The following FGF1 variants were observed in gnomAD, a reference collection of about 807,000 sequenced individuals.
FGF1 encodes fibroblast growth factor 1.
FGF1 carries 9 observed loss-of-function variants against 13.4 expected under a neutral mutation model. The ratio of observed to expected loss-of-function variants is 0.67; its 90% confidence interval spans 0.40 to 1.17. FGF1 has a LOEUF of 1.17. Ranked by LOEUF, FGF1 falls within the 50% of genes most tolerant of loss-of-function variation. The probability of loss-of-function intolerance (pLI) is 0.01; values close to 1 mark genes in which losing one functional copy is unlikely to be tolerated. For synonymous variants in FGF1, 93 were observed against 79.0 expected, an observed-to-expected ratio of 1.18 and a Z score of -0.94; for missense variants, 156 against 192.7, an observed-to-expected ratio of 0.81 and a Z score of 1.13.
At position 142,610,136 on chromosome 5, in the gene FGF1, C is replaced by G. The variant is rs139756512; in HGVS notation, c.169+3823G>C. 2.2e-4 allele frequency among the ~76,000 whole-genome samples: 33 copies of G among 152,296 alleles called. 1 individual carries two copies. The East Asian group carries it at 6.0e-3, about 28-fold the overall frequency. On this transcript the variant is annotated intron_variant, in intron 2 of 3. Transcript: ENST00000337706. ...TTAGAGTGATAATAATTAGTAACTT[C>G]TCAAGGTTGTGGTTAGGTAGAAGTG...
intron 2 of FGF1, among the ~76,000 whole-genome samples, chr5:142,613,637 C>T (rs1759554610): frequency 6.6e-6 from 1 of 152,216 alleles, no homozygotes; most frequent in Non-Finnish European, 1.5e-5. Context: ...CCTGACTAGC[C>T]TTCGGGGCCA....
intron 1 of FGF1, among the ~76,000 whole-genome samples, chr5:142,619,541 A>G (rs2151893677): frequency 6.6e-6 from 1 of 152,316 alleles, no homozygotes; most frequent in South Asian, 2.1e-4. Flanking sequence ...GGTAACTACT[A>G]AAAGAAAAGA....
intron 1 of FGF1, among the ~76,000 whole-genome samples, chr5:142,617,937 G>T (rs1194831124): frequency 1.3e-5 from 2 of 152,154 alleles, no homozygotes; most frequent in African/African-American, 2.4e-5. Context: ...ACGTTAGCAG[G>T]TCCTTGGAGA....
rs144401922 is a variant in FGF1, at chr5:142,650,294, T to A, written c.-35+35663A>T. On this transcript the variant is annotated intron_variant, in intron 1 of 3. Transcript: ENST00000337706. The stretch of plus-strand genomic sequence containing the variant: ...TCTCCTTTAAAGAAGAGAGAGGGAA[T>A]CCATGACATTTATCAAGATAACATT... Among the ~76,000 whole-genome samples, 3 of 152,260 alleles carry A rather than the reference T, an allele frequency of 2.0e-5. No homozygotes were observed. The East Asian group carries it at 5.8e-4, about 29-fold the overall frequency.
intron 2 of FGF1, among the ~76,000 whole-genome samples, chr5:142,603,338 G>C (rs1290776776): frequency 6.6e-6 from 1 of 152,136 alleles, no homozygotes; most frequent in Non-Finnish European, 1.5e-5. Context: ...CCTCCCCAGA[G>C]TGTGTGACAC....
At chr5:142,641,572 T>G (rs1027147619) in intron 1 of FGF1, among the ~76,000 whole-genome samples, 2 of 152,036 alleles carry the variant, frequency 1.3e-5, no homozygotes, top group Non-Finnish European at 2.9e-5. Context: ...CCACAGATGG[T>G]CATTGTAAAG....
At chr5:142,629,056 A>G (rs1457388798) in intron 1 of FGF1, among the ~76,000 whole-genome samples, 1 of 152,210 alleles carries the variant, frequency 6.6e-6, no homozygotes, top group Admixed American at 6.5e-5. Flanking sequence ...TTGAACCCTC[A>G]GTGGTGAGAG....
At chr5:142,624,682 G>A (rs1762183152) in intron 1 of FGF1, among the ~76,000 whole-genome samples, 1 of 152,222 alleles carries the variant, frequency 6.6e-6, no homozygotes, top group Non-Finnish European at 1.5e-5. Flanking sequence ...GGGAGATCAA[G>A]ATGTCACATA....
chr5:142,620,444 G>C (rs1306188875), intron 1 of FGF1, among the ~76,000 whole-genome samples: 1 of 152,010 alleles, frequency 6.6e-6, no homozygotes, highest in Non-Finnish European at 1.5e-5. Context: ...AACTCGTGTG[G>C]CTATATTAAT....
At chr5:142,622,585 G>A (rs967033003) in intron 1 of FGF1, among the ~76,000 whole-genome samples, 3 of 152,182 alleles carry the variant, frequency 2.0e-5, no homozygotes, top group African/African-American at 7.2e-5. Flanking sequence ...GAAAGGAAGT[G>A]ATCAGCTCCT....
chr5:142,658,130 T>A (rs1768508001), intron 1 of FGF1, among the ~76,000 whole-genome samples: 1 of 152,220 alleles, frequency 6.6e-6, no homozygotes, highest in Non-Finnish European at 1.5e-5. Context: ...GACAGTGCAG[T>A]GGTTACAAAA....
chr5:142,595,672 C>CT (rs1561500297), intron 3 of FGF1, among the ~76,000 whole-genome samples, 188 bp from the exon 4 acceptor site: 1 of 152,106 alleles, frequency 6.6e-6, no homozygotes, highest in African/African-American at 2.4e-5. Flanking sequence ...AGAACAGCAC[C>CT]GGGCACTAAA....
At chr5:142,644,799 C>A (rs1765741192) in intron 1 of FGF1, among the ~76,000 whole-genome samples, 2 of 152,234 alleles carry the variant, frequency 1.3e-5, no homozygotes, top group East Asian at 1.9e-4. Context: ...CCATCATGGG[C>A]AGAGTGCATG....
At chr5:142,646,270 G>C (rs1333107326) in intron 1 of FGF1, among the ~76,000 whole-genome samples, 1 of 139,876 alleles carries the variant, frequency 7.1e-6, no homozygotes, top group Non-Finnish European at 1.5e-5. Context: ...AGGCTGGAGT[G>C]CAGTGGTGCA....
At position 142,675,730 on chromosome 5, in the gene FGF1, C is replaced by T. The variant is rs375725891; in HGVS notation, c.-35+10227G>A. On this transcript the variant is annotated intron_variant, in intron 1 of 3. Coordinates refer to ENST00000337706, the MANE Select transcript of FGF1 (RefSeq NM_000800.5). ...CACCCAACAAGGGAGGGTGGAGCAT[C>T]GGGCAGCCAAAATGCAAAATGGCTG... Among the ~76,000 whole-genome samples the T allele has an allele frequency of 7.9e-5, 12 of 152,302 alleles. No individual in the cohort carries two copies. The East Asian group carries it at 1.5e-3, about 20-fold the overall frequency.
chr5:142,624,880 T>G (rs1330682805), intron 1 of FGF1, among the ~76,000 whole-genome samples: 4 of 152,252 alleles, frequency 2.6e-5, no homozygotes, highest in African/African-American at 9.6e-5. Context: ...TAGCCCAAAC[T>G]GTCCTGAGAC....
upstream of FGF1, among the ~76,000 whole-genome samples, chr5:142,689,199 AT>A (rs1266910113): frequency 6.6e-6 from 1 of 152,196 alleles, no homozygotes; most frequent in East Asian, 1.9e-4. Context: ...CACCAGACAC[AT>A]TGCATTTTCT....
At chr5:142,649,862 AC>A (rs1211380809) in intron 1 of FGF1, among the ~76,000 whole-genome samples, 2 of 152,226 alleles carry the variant, frequency 1.3e-5, no homozygotes, top group Admixed American at 1.3e-4. Context: ...TAAGAAAAAA[AC>A]AATTTTCTTT....
chr5:142,605,895 G>A (rs1373232058), intron 2 of FGF1, among the ~76,000 whole-genome samples: 1 of 152,158 alleles, frequency 6.6e-6, no homozygotes, highest in Non-Finnish European at 1.5e-5. Context: ...AGCTGCTGCT[G>A]AGGACAGGCA....
Sources: gnomAD v4.1 joint callset for allele counts (sites outside exome capture counted in the v4.1 genomes callset) on GRCh38, gnomAD v4.1.1 for gene constraint, MANE v1.5 for transcripts, NCBI Gene and HGNC (gene_info 2026-07-23, HGNC 2026-07-21) for gene names.